DNAH6: variants seen among roughly 807,000 people sequenced by gnomAD.
The protein encoded by DNAH6 is axonemal beta dynein heavy chain 6.
A neutral mutation model predicts 491.4 loss-of-function variants in DNAH6; 340 were observed. The ratio of observed to expected loss-of-function variants is 0.69; its 90% CI spans 0.63 to 0.76. The LOEUF (loss-of-function observed/expected upper bound fraction) is 0.76, where lower values mean the gene tolerates loss of function less well. DNAH6 is among the 30% of genes least tolerant of loss of function. The pLI, the probability that DNAH6 is intolerant of heterozygous loss-of-function variation, is 0.00. For synonymous variants in DNAH6, 1,603 were observed against 1,686.1 expected (o/e 0.95, Z 1.21); for missense variants, 4,443 against 4,972.2 (o/e 0.89, Z 3.20).
At chr2:84,699,845 A>T in intron 48 of DNAH6, 111 bp downstream of exon 48, 1 of 1,045,794 alleles carries the variant, frequency 9.6e-7, no homozygotes, top group Non-Finnish European at 1.3e-6. Flanking sequence ...TTTAAAGCCT[A>T]CTAGGAATTT....
the DNAH6 span, among the ~76,000 whole-genome samples, chr2:84,504,621 C>G: frequency 6.6e-6 from 1 of 152,132 alleles, no homozygotes; most frequent in African/African-American, 2.4e-5. Flanking sequence ...TGAGGGAGCA[C>G]CCCAAGCCCA....
chr2:84,725,662 A>C (rs1396155004), intron 60 of DNAH6, among the ~76,000 whole-genome samples: 13 of 152,352 alleles, frequency 8.5e-5, no homozygotes, highest in African/African-American at 2.6e-4. Flanking sequence ...TGAAAGTAAA[A>C]GTGATATAGG....
rs1361747590 is a variant in DNAH6, at chr2:84,705,711, C to T, written c.8691C>T (p.Val2897=). 4 of 1,550,412 alleles carry T rather than the reference C, an allele frequency of 2.6e-6. No homozygotes were observed. The highest frequency in any genetic ancestry group is 1.7e-4 in the Middle Eastern group (1 of 5,992). ...AMDLYSRVVK[V]VEPKRQKLRA... ...ATTTGTACTCTCGAGTGGTCAAGGT[C>T]GTCGAACCAAAAAGACAAAAGCTCC... Residue 2897 remains valine (V), a synonymous_variant, in exon 52 of 77, where the codon GTC becomes GTT. Transcript: ENST00000389394.
chr2:84,817,739 A>G (rs1573900475), intron 76 of DNAH6, among the ~76,000 whole-genome samples: 1 of 152,196 alleles, frequency 6.6e-6, no homozygotes, highest in East Asian at 1.9e-4. Context: ...GCTTCTGGTG[A>G]GAGCCTCAGG....
chr2:84,628,322 T>C (rs757563146), intron 29 of DNAH6, among the ~76,000 whole-genome samples: 77 of 152,314 alleles, frequency 5.1e-4, no homozygotes, highest in Middle Eastern at 3.4e-3. Flanking sequence ...TGTCCCTTCA[T>C]GTGTGGATGT....
intron 11 of DNAH6, among the ~76,000 whole-genome samples, chr2:84,562,839 C>G (rs1339237056): frequency 6.6e-6 from 1 of 152,148 alleles, no homozygotes; most frequent in Non-Finnish European, 1.5e-5. Flanking sequence ...GGACTGTCTT[C>G]TTTTTGGCAG....
At chr2:84,818,704 G>A (rs1680743615) in intron 76 of DNAH6, among the ~76,000 whole-genome samples, 1 of 152,056 alleles carries the variant, frequency 6.6e-6, no homozygotes, top group Non-Finnish European at 1.5e-5. Context: ...AGAAGCAGAG[G>A]GAAACCTACC....
the DNAH6 span, among the ~76,000 whole-genome samples, chr2:84,478,533 A>G: frequency 2.0e-5 from 3 of 152,148 alleles, no homozygotes; most frequent in Non-Finnish European, 4.4e-5. Flanking sequence ...TAGGAATGTC[A>G]AGAACTTTGA....
the DNAH6 span, among the ~76,000 whole-genome samples, chr2:84,509,879 C>A: frequency 6.6e-6 from 1 of 152,178 alleles, no homozygotes; most frequent in African/African-American, 2.4e-5. Context: ...AAATTCTTTT[C>A]TTTAAGAATG....
At chr2:84,624,693 A>G (rs1687697179) in intron 28 of DNAH6, 73 bp downstream of exon 28, 4 of 1,462,748 alleles carry the variant, frequency 2.7e-6, no homozygotes, top group East Asian at 5.0e-5. Flanking sequence ...AAAGTTTCAT[A>G]TGACATTAAC....
chr2:84,539,224 C>T (rs902286120), intron 4 of DNAH6, among the ~76,000 whole-genome samples: 1 of 151,942 alleles, frequency 6.6e-6, no homozygotes, highest in African/African-American at 2.4e-5. Flanking sequence ...ATAAAACAAG[C>T]ATTTCTCTTC....
At chr2:84,514,858 TCAC>T (rs1340184977), upstream of DNAH6, among the ~76,000 whole-genome samples, 1 of 44,018 alleles carries the variant, frequency 2.3e-5, no homozygotes, top group Admixed American at 1.7e-4. Flanking sequence ...CACCCCCACT[TCAC>T]CACAGTCACA....
the DNAH6 span, among the ~76,000 whole-genome samples, chr2:84,491,957 C>A: frequency 1.3e-5 from 2 of 152,152 alleles, no homozygotes; most frequent in African/African-American, 4.8e-5. Flanking sequence ...AGGTCTTCCC[C>A]GTTGCGCCGG....
chr2:84,640,180 C>T (rs1299494408), intron 31 of DNAH6, among the ~76,000 whole-genome samples: 34 of 151,892 alleles, frequency 2.2e-4, no homozygotes, highest in Non-Finnish European at 1.8e-4. Context: ...ACCAAATGTC[C>T]CCAAAGCTAC....
intron 22 of DNAH6, among the ~76,000 whole-genome samples, 192 bp downstream of exon 22, chr2:84,612,046 G>C (rs1484519990): frequency 6.6e-6 from 1 of 151,972 alleles, no homozygotes; most frequent in East Asian, 1.9e-4. Context: ...CGGAACACTG[G>C]ACTTTTTTTT....
At chr2:84,719,398 T>C (rs987074557) in intron 59 of DNAH6, among the ~76,000 whole-genome samples, 3 of 152,244 alleles carry the variant, frequency 2.0e-5, no homozygotes, top group Non-Finnish European at 2.9e-5. Context: ...AATGAAATAT[T>C]CTACAAGGCT....
the DNAH6 span, among the ~76,000 whole-genome samples, chr2:84,477,137 G>T: frequency 6.6e-6 from 1 of 152,202 alleles, no homozygotes; most frequent in East Asian, 1.9e-4. Flanking sequence ...AATTGTGGAG[G>T]CTGCAAAGGC....
intron 70 of DNAH6, among the ~76,000 whole-genome samples, chr2:84,802,321 A>G (rs1358905913): frequency 6.6e-6 from 1 of 152,266 alleles, no homozygotes; most frequent in Non-Finnish European, 1.5e-5. Flanking sequence ...GACCCATCTC[A>G]CATGTAATGA....
At chr2:84,596,803 TC>T (rs1684633584) in intron 18 of DNAH6, among the ~76,000 whole-genome samples, 1 of 152,228 alleles carries the variant, frequency 6.6e-6, no homozygotes, top group Admixed American at 6.5e-5. Flanking sequence ...CAAAACACTT[TC>T]CCAAGTTGTT....
Sources: gnomAD v4.1 joint callset for allele counts (sites outside exome capture counted in the v4.1 genomes callset) on GRCh38, gnomAD v4.1.1 for gene constraint, MANE v1.5 for transcripts, NCBI Gene and HGNC (gene_info 2026-07-23, HGNC 2026-07-21) for gene names.